ARID3B: variants seen among roughly 807,000 people sequenced by gnomAD.
ARID3B encodes AT-rich interaction domain 3B.
In ARID3B, 10 loss-of-function variants were observed where a neutral mutation model predicts 51.9. The ratio of observed to expected loss-of-function variants is 0.19; its 90% CI spans 0.12 to 0.33. The LOEUF (loss-of-function observed/expected upper bound fraction) is 0.33, where lower values mean the gene tolerates loss of function less well. Among genes scored for constraint, ARID3B ranks in the 10% least tolerant of loss-of-function variants. ARID3B has a pLI of 1.00. For missense variants in ARID3B, 483 were observed against 716.3 expected (o/e 0.67, Z 3.72); for synonymous variants, 205 against 279.5 (o/e 0.73, Z 2.66).
intron 4 of ARID3B, chr15:74,574,404 A>AC (rs2061729937): frequency 6.6e-6 from 1 of 152,192 alleles, no homozygotes; most frequent in African/African-American, 2.4e-5. Context: ...CTTTATTGAG[A>AC]CCTAAGAATG....
intron 2 of ARID3B, among the ~76,000 whole-genome samples, chr15:74,549,182 C>T (rs1187208508): frequency 3.3e-5 from 5 of 151,892 alleles, no homozygotes; most frequent in African/African-American, 1.2e-4. Flanking sequence ...TCACGCCATT[C>T]TCCTGCCTCA....
chr15:74,550,242 A>C (rs2061631390), intron 2 of ARID3B, among the ~76,000 whole-genome samples: 2 of 152,164 alleles, frequency 1.3e-5, no homozygotes, highest in African/African-American at 4.8e-5. Context: ...ACTCCATGAT[A>C]TCTTTGATAT....
chr15:74,560,130 GGGAGAT>G (rs2061674608), intron 2 of ARID3B, among the ~76,000 whole-genome samples: 1 of 151,286 alleles, frequency 6.6e-6, no homozygotes, highest in Non-Finnish European at 1.5e-5. Context: ...ACTTGAATCT[GGGAGAT>G]GGAGATTGCA....
At chr15:74,546,639 G>A (rs2061616882) in intron 2 of ARID3B, among the ~76,000 whole-genome samples, 1 of 152,212 alleles carries the variant, frequency 6.6e-6, no homozygotes, top group Non-Finnish European at 1.5e-5. Flanking sequence ...CTGGCTGTTG[G>A]CATTTGAAAC....
chr15:74,556,776 GT>G (rs1283802329), intron 2 of ARID3B, among the ~76,000 whole-genome samples: 30 of 122,534 alleles, frequency 2.4e-4, no homozygotes, highest in Non-Finnish European at 3.3e-4. Flanking sequence ...TTTGTTTTTT[GT>G]TTTTTTTTTT....
At position 74,573,156 on chromosome 15, in the gene ARID3B, G is replaced by C; in HGVS notation, c.649G>C (p.Glu217Gln). The C allele has an allele frequency of 6.2e-7, 1 of 1,614,136 alleles. No homozygotes were observed. The highest frequency in any genetic ancestry group is 8.5e-7 in the Non-Finnish European group (1 of 1,180,024). Residue 217 changes from glutamate to glutamine, a missense_variant, in exon 4 of 9, where the codon GAA becomes CAA. Glu to Gln is a conservative substitution (Grantham distance 29, BLOSUM62 2). Coordinates refer to ENST00000346246, the MANE Select transcript of ARID3B (RefSeq NM_006465.4). Reference sequence around the variant, plus strand: ...GCTGTATGAACTGGACGGTGATCCTGAAAGGAAAGAGTTCCTGGATGACCT... The same window carrying C: ...GCTGTATGAACTGGACGGTGATCCTCAAAGGAAAGAGTTCCTGGATGACCT... ...AKLYELDGDP[E>Q]RKEFLDDLFV...
chr15:74,561,326 GT>G (rs1340762900), intron 2 of ARID3B, among the ~76,000 whole-genome samples: 1 of 152,168 alleles, frequency 6.6e-6, no homozygotes, highest in East Asian at 1.9e-4. Flanking sequence ...AATCAAGTGT[GT>G]TTAAAGAGTA....
intron 5 of ARID3B, 133 bp downstream of exon 5, chr15:74,590,136 T>C (rs2061797968): frequency 9.3e-7 from 1 of 1,073,598 alleles, no homozygotes; most frequent in Admixed American, 2.9e-5. Flanking sequence ...GTGGGGAGCT[T>C]TCTGAGATGA....
chr15:74,555,279 C>A (rs61284842), intron 2 of ARID3B, among the ~76,000 whole-genome samples: 1 of 151,932 alleles, frequency 6.6e-6, no homozygotes, highest in African/African-American at 2.4e-5. Flanking sequence ...CTTGGAGTGG[C>A]TGTGGCAATT....
chr15:74,548,669 G>C (rs1466166415), intron 2 of ARID3B, among the ~76,000 whole-genome samples: 2 of 152,168 alleles, frequency 1.3e-5, no homozygotes, highest in African/African-American at 4.8e-5. Context: ...ACAAGGACAG[G>C]GTATTACCAA....
At chr15:74,592,336 T>G (rs781134966) in intron 7 of ARID3B, among the ~76,000 whole-genome samples, 3 of 152,210 alleles carry the variant, frequency 2.0e-5, no homozygotes, top group Non-Finnish European at 4.4e-5. Flanking sequence ...GTGCCCCACA[T>G]TCTCTTCCTC....
chr15:74,543,619 G>A (rs930848493), intron 1 of ARID3B, among the ~76,000 whole-genome samples: 3 of 152,088 alleles, frequency 2.0e-5, no homozygotes, highest in African/African-American at 7.2e-5. Context: ...TTTAAAGCCT[G>A]CTACTACTAC....
rs1157335767 is a variant in ARID3B, at chr15:74,597,526, C to G, written c.*1752C>G. 3.7e-6 allele frequency: 2 copies of G among 535,746 alleles called. No individual in the cohort carries two copies. Among genetic ancestry groups the G allele is most frequent in the African/African-American group, 1.9e-5 (1 of 53,902 alleles). The allele number at this position is 535,746 out of a possible 1,614,324, so 33.2% of individuals were successfully genotyped here. ...TCCCACACACATACACACACACACA[C>G]ACATACCCCATCTCCCGAGGGCTGA... On this transcript the variant is annotated 3_prime_UTR_variant, in exon 9 of 9. Coordinates refer to ENST00000346246, the MANE Select transcript of ARID3B (RefSeq NM_006465.4).
intron 2 of ARID3B, among the ~76,000 whole-genome samples, chr15:74,549,418 T>G (rs1040569282): frequency 2.7e-5 from 4 of 148,684 alleles, no homozygotes; most frequent in African/African-American, 1.0e-4. Flanking sequence ...TGACTATCAT[T>G]AGCTGGGTGT....
intron 4 of ARID3B, among the ~76,000 whole-genome samples, chr15:74,581,397 A>G (rs1017979313): frequency 3.9e-5 from 6 of 152,126 alleles, no homozygotes; most frequent in Non-Finnish European, 7.4e-5. Context: ...GGTGGAGGCA[A>G]TTTCTTGTAT....
chr15:74,547,791 A>G (rs1305896217), intron 2 of ARID3B, among the ~76,000 whole-genome samples: 1 of 152,242 alleles, frequency 6.6e-6, no homozygotes. Context: ...AATTTTGTCT[A>G]CAGCATAGCA....
At position 74,557,892 on chromosome 15, in the gene ARID3B, G is replaced by T. The variant is rs368726788; in HGVS notation, c.552+13404G>T. Among the ~76,000 whole-genome samples the T allele has an allele frequency of 9.9e-4, 142 of 143,772 alleles. 2 individuals are homozygous for T. The highest frequency in any genetic ancestry group is 7.4e-3 in the Middle Eastern group (2 of 272). 94.3% of individuals were successfully genotyped at this position (143,772 alleles called of 152,430 possible). On this transcript the variant is annotated intron_variant, in intron 2 of 8. Transcript: ENST00000346246. ...GCTGGAGTGCAGTGGCATGATCTCA[G>T]CTCACTGCAAGCACTGCCTTCAGGG...
rs995705031 is a variant in ARID3B, at chr15:74,596,456, G to C, written c.*682G>C. 4.3e-6 allele frequency: 1 copy of C among 233,414 alleles called. No individual in the cohort carries two copies. Among genetic ancestry groups the C allele is most frequent in the African/African-American group, 2.2e-5 (1 of 45,348 alleles). 14.5% of individuals were successfully genotyped at this position (233,414 alleles called of 1,614,324 possible). A position where few individuals can be genotyped will look rare whatever the true frequency, so the allele number is the denominator to read the frequency against. ...GCTGATGGGAAGGCAGAGCCTCGGG[G>C]CTGCCCAGCCCTGGCACCTGCTTCA... On this transcript the variant is annotated 3_prime_UTR_variant, in exon 9 of 9. Transcript: ENST00000346246.
chr15:74,594,792 C>T (rs2061818099), intron 8 of ARID3B, among the ~76,000 whole-genome samples: 1 of 152,226 alleles, frequency 6.6e-6, no homozygotes, highest in Non-Finnish European at 1.5e-5. Flanking sequence ...TGTCTGCAGA[C>T]TCTGCTCAGA....
Sources: gnomAD v4.1 joint callset for allele counts (sites outside exome capture counted in the v4.1 genomes callset) on GRCh38, gnomAD v4.1.1 for gene constraint, MANE v1.5 for transcripts, NCBI Gene and HGNC (gene_info 2026-07-23, HGNC 2026-07-21) for gene names.